CAPN7: variants seen among roughly 807,000 people sequenced by gnomAD.
CAPN7 encodes the protein calpain-7.
CAPN7 carries 72 observed loss-of-function variants against 115.2 expected under a neutral mutation model. That is an observed-to-expected ratio of 0.63 (90% CI 0.52 to 0.76). CAPN7 has a LOEUF of 0.76. CAPN7 is among the 30% of genes least tolerant of loss of function. The pLI, the probability that CAPN7 is intolerant of heterozygous loss-of-function variation, is 0.00. For synonymous variants in CAPN7, 344 were observed against 322.3 expected (o/e 1.07, Z -0.72); for missense variants, 905 against 971.5 (o/e 0.93, Z 0.91).
intron 5 of CAPN7, among the ~76,000 whole-genome samples, chr3:15,221,323 G>C (rs866255892): frequency 4.7e-5 from 7 of 150,124 alleles, no homozygotes; most frequent in South Asian, 2.1e-4. Context: ...GGGACTACAG[G>C]TGTGTGCCAC....
intron 12 of CAPN7, among the ~76,000 whole-genome samples, chr3:15,239,851 A>G (rs1044080333): frequency 1.1e-4 from 17 of 152,266 alleles, no homozygotes; most frequent in African/African-American, 3.6e-4. Context: ...TTTCTTCACT[A>G]TGTCTGTCTG....
At chr3:15,214,160 G>A (rs1361583235) in intron 2 of CAPN7, among the ~76,000 whole-genome samples, 4 of 152,102 alleles carry the variant, frequency 2.6e-5, no homozygotes, top group Non-Finnish European at 5.9e-5. Flanking sequence ...GATTACAGGC[G>A]TGAGCCACCA....
In CAPN7 at chr3:15,212,143, T is replaced by G; in HGVS notation, c.142T>G (p.Ser48Ala). Reference sequence around the variant, plus strand: ...CTTAATTTATGCTGAGATGGCAGGATCAAGCCTAGAAAATATTCAAGAAAA... The same window carrying G: ...CTTAATTTATGCTGAGATGGCAGGAGCAAGCCTAGAAAATATTCAAGAAAA... ...QALIYAEMAG[S>A]SLENIQEKIT... Residue 48 changes from serine to alanine, a missense_variant, in exon 2 of 21, where the codon TCA becomes GCA. Around this residue, in one of 3 missense-constraint regions of CAPN7, gnomAD observed 271 missense variants for 239.6 expected, o/e 1.13. Coordinates refer to ENST00000253693, the MANE Select transcript of CAPN7 (RefSeq NM_014296.3). 1 of 1,611,528 alleles carries G rather than the reference T, an allele frequency of 6.2e-7. No homozygotes were observed. Among genetic ancestry groups the G allele is most frequent in the Non-Finnish European group, 8.5e-7 (1 of 1,178,570 alleles).
chr3:15,234,046 T>A, intron 11 of CAPN7, 73 bp downstream of exon 11: 1 of 827,960 alleles, frequency 1.2e-6, no homozygotes, highest in Non-Finnish European at 2.0e-6. Context: ...CTGGGCGTGG[T>A]GGGTCATGCC....
intron 1 of CAPN7, chr3:15,211,024 A>G (rs1337596297): frequency 1.3e-6 from 1 of 784,712 alleles, no homozygotes. Flanking sequence ...CCTTCTAGCC[A>G]TAGCATAACT....
intron 9 of CAPN7, among the ~76,000 whole-genome samples, chr3:15,231,730 G>A (rs150622860): frequency 0.023 from 3,451 of 151,954 alleles, 48 homozygotes; most frequent in Non-Finnish European, 0.033. Context: ...GAGTTTCACC[G>A]TGTTAGCCAG....
intron 19 of CAPN7, among the ~76,000 whole-genome samples, chr3:15,249,016 A>C (rs1024488093): frequency 6.7e-6 from 1 of 150,270 alleles, no homozygotes; most frequent in Non-Finnish European, 1.5e-5. Flanking sequence ...CAAAAAAAAA[A>C]AAAAAAAACA....
At position 15,229,068 on chromosome 3, in the gene CAPN7, G is replaced by C; in HGVS notation, c.938+9G>C. ...AAGAAGTTAATTACCGGGTAAAAAT[G>C]TGTCTCTCTTTACCTCTTTTTGTGT... On this transcript the variant is annotated intron_variant, in intron 8 of 20. Coordinates refer to ENST00000253693, the MANE Select transcript of CAPN7 (RefSeq NM_014296.3). The C allele has an allele frequency of 6.3e-7, 1 of 1,592,618 alleles. No homozygotes were observed.
chr3:15,223,571 C>G lies in CAPN7; in HGVS notation c.725+10C>G. On this transcript the variant is annotated intron_variant, in intron 6 of 20. Transcript: ENST00000253693. ...ATCCAATGCCTTTCTGGTAAGTAAG[C>G]ACTGTTGCAATTTTTAACTCCAATA... is the stretch of plus-strand genomic sequence containing the variant. 6.6e-7 allele frequency: 1 copy of G among 1,524,036 alleles called. No homozygotes were observed. Among genetic ancestry groups the G allele is most frequent in the South Asian group, 1.2e-5 (1 of 84,588 alleles). The allele number at this position is 1,524,036 out of a possible 1,614,324, so 94.4% of individuals were successfully genotyped here.
chr3:15,232,372 G>A lies in CAPN7; in HGVS notation c.1033-147G>A, dbSNP rs547751255. The A allele has an allele frequency of 2.8e-5, 16 of 571,152 alleles. No individual in the cohort carries two copies. The East Asian group carries it at 4.2e-4, about 15-fold the overall frequency. 35.4% of individuals were successfully genotyped at this position (571,152 alleles called of 1,614,324 possible). On this transcript the variant is annotated intron_variant, in intron 9 of 20. Coordinates refer to ENST00000253693, the MANE Select transcript of CAPN7 (RefSeq NM_014296.3). ...TTAAAAAGAACAACATTTTGTAATTGGTATGATTCTAGAAACATTACCTTA... is the reference window on the plus strand; with the variant it reads ...TTAAAAAGAACAACATTTTGTAATTAGTATGATTCTAGAAACATTACCTTA...
In CAPN7 at chr3:15,213,705, A is replaced by T. The variant is rs540048198; in HGVS notation, c.211+1493A>T. Among the ~76,000 whole-genome samples the T allele has an allele frequency of 2.6e-5, 4 of 152,250 alleles. No homozygotes were observed. The South Asian group carries it at 6.2e-4, about 24-fold the overall frequency. On this transcript the variant is annotated intron_variant, in intron 2 of 20. Transcript: ENST00000253693. ...AAATATGAATCATTTTTTTCTAAGG[A>T]ATTTTAAAAATTATTCTTACTTTAT...
chr3:15,252,642 C>G lies in CAPN7; in HGVS notation c.*1382C>G, dbSNP rs1479839642. ...AAACTAAAAACCTAATCCCTGCCAT[C>G]AAATTTATTAGAAGAGACCTATATA... On this transcript the variant is annotated 3_prime_UTR_variant, in exon 21 of 21. Transcript: ENST00000253693. 6.6e-6 allele frequency: 1 copy of G among 152,056 alleles called. No homozygotes were observed. Among genetic ancestry groups the G allele is most frequent in the East Asian group, 1.9e-4 (1 of 5,200 alleles). The allele number at this position is 152,056 out of a possible 1,614,324, so 9.4% of individuals were successfully genotyped here. A position where few individuals can be genotyped will look rare whatever the true frequency, so the allele number is the denominator to read the frequency against.
chr3:15,219,635 T>C (rs1693845322), intron 4 of CAPN7, among the ~76,000 whole-genome samples: 1 of 152,216 alleles, frequency 6.6e-6, no homozygotes, highest in Non-Finnish European at 1.5e-5. Context: ...CCTATGAGGA[T>C]CTTTTGAAAC....
intron 12 of CAPN7, among the ~76,000 whole-genome samples, chr3:15,235,663 A>C (rs1694944196): frequency 6.6e-6 from 1 of 152,196 alleles, no homozygotes; most frequent in African/African-American, 2.4e-5. Flanking sequence ...CACAGTTCAC[A>C]ATAGGGTTCA....
Position 15,228,007 on chromosome 3 carries a change from T to G in CAPN7, c.852+42T>G, listed in dbSNP as rs771975262. 3.7e-6 allele frequency: 5 copies of G among 1,352,316 alleles called. No homozygotes were observed. In the African/African-American group the frequency reaches 7.5e-5, roughly 20 times the overall value. The allele number at this position is 1,352,316 out of a possible 1,614,324, so 83.8% of individuals were successfully genotyped here. On this transcript the variant is annotated intron_variant, in intron 7 of 20. Transcript: ENST00000253693. The stretch of plus-strand genomic sequence containing the variant: ...TATGATTTTATAGAAAAGTCAGCAT[T>G]TTAAAGTAATTTGTGTATAGATTTG...
Position 15,230,436 on chromosome 3 carries a change from CAA to C in CAPN7, c.939-3_939-2del. The C allele has an allele frequency of 6.3e-7, 1 of 1,588,026 alleles. No homozygotes were observed. The highest frequency in any genetic ancestry group is 8.6e-7 in the Non-Finnish European group (1 of 1,156,746). On this transcript the variant is annotated splice_region_variant and splice_polypyrimidine_tract_variant and intron_variant, in intron 8 of 20. Coordinates refer to ENST00000253693, the MANE Select transcript of CAPN7 (RefSeq NM_014296.3). ...GGTATTTTAATATTTATTTTTCTTA[CAA>C]AAGCATAATTTACCCTCAAAACAAG...
chr3:15,228,076 G>A, intron 7 of CAPN7, 111 bp downstream of exon 7: 1 of 714,388 alleles, frequency 1.4e-6, no homozygotes, highest in Non-Finnish European at 2.0e-6. Flanking sequence ...GTACAGAAGT[G>A]TAATTGGAAA....
intron 19 of CAPN7, among the ~76,000 whole-genome samples, chr3:15,248,891 G>T (rs1695830394): frequency 6.6e-6 from 1 of 151,580 alleles, no homozygotes; most frequent in South Asian, 2.1e-4. Flanking sequence ...AGCCACTTGG[G>T]AGGCTGAGGT....
intron 1 of CAPN7, among the ~76,000 whole-genome samples, chr3:15,206,895 A>G (rs1198625523): frequency 6.6e-6 from 1 of 152,264 alleles, no homozygotes; most frequent in Non-Finnish European, 1.5e-5. Flanking sequence ...GGTAGTTAGT[A>G]GCCAATTCTT....
Sources: allele counts gnomAD v4.1 joint callset (sites outside exome capture counted in the v4.1 genomes callset), GRCh38; gene constraint gnomAD v4.1.1; regional missense constraint gnomAD v4.1.1; transcripts MANE v1.5; gene names NCBI Gene and HGNC (gene_info 2026-07-23, HGNC 2026-07-21).